SLC26A5: variants seen among roughly 807,000 people sequenced by gnomAD.
SLC26A5 encodes the protein solute carrier family 26 member 5.
Under a neutral mutation model 81.0 loss-of-function variants are expected in SLC26A5, and 51 were observed. The observed-to-expected ratio is 0.63, with a 90% CI of 0.50 to 0.80. The LOEUF is 0.80. Among genes scored for constraint, SLC26A5 ranks in the 30% least tolerant of loss-of-function variants. The pLI, the probability that SLC26A5 is intolerant of heterozygous loss-of-function variation, is 0.00. For missense variants in SLC26A5, 771 were observed against 905.8 expected, an observed-to-expected ratio of 0.85 and a Z score of 1.91; for synonymous variants, 325 against 332.8, an observed-to-expected ratio of 0.98 and a Z score of 0.25.
chr7:103,415,795 C>T (rs1824857898), intron 4 of SLC26A5, among the ~76,000 whole-genome samples: 1 of 151,866 alleles, frequency 6.6e-6, no homozygotes, highest in Non-Finnish European at 1.5e-5. Flanking sequence ...TTCATTTATT[C>T]TGCTGGGTAT....
chr7:103,409,030 C>A (rs10251993), intron 7 of SLC26A5, among the ~76,000 whole-genome samples: 1 of 152,100 alleles, frequency 6.6e-6, no homozygotes, highest in Non-Finnish European at 1.5e-5. Context: ...ATTCCTAAAG[C>A]CTGATTCCAT....
In SLC26A5 at chr7:103,361,526, A is replaced by G. The variant is rs867840449; in HGVS notation, c.2042-8600T>C. ...ACTCCATCTCAAAAAAAAAAAAAAA[A>G]AAAAAAAGAAAAACGGATTTAAAGT... On this transcript the variant is annotated intron_variant, in intron 19 of 19. Coordinates refer to the SLC26A5 transcript ENST00000339444. Among the ~76,000 whole-genome samples, 139 of 151,222 alleles carry G rather than the reference A, an allele frequency of 9.2e-4. 2 individuals carry two copies. The highest frequency in any genetic ancestry group is 2.8e-3 in the African/African-American group (117 of 41,310).
chr7:103,430,076 C>CTTTTT (rs34122107), intron 2 of SLC26A5, among the ~76,000 whole-genome samples: 1 of 137,188 alleles, frequency 7.3e-6, no homozygotes, highest in Non-Finnish European at 1.6e-5. Flanking sequence ...GGAAATGGCA[C>CTTTTT]TTTTTTTTTT....
At chr7:103,411,705 T>C in intron 5 of SLC26A5, 119 bp from the exon 6 acceptor site, 7 of 1,133,950 alleles carry the variant, frequency 6.2e-6, no homozygotes, top group Non-Finnish European at 9.2e-6. Flanking sequence ...AAGGCTACGC[T>C]CCCTTCTTTA....
chr7:103,370,566 A>T (rs1282119527), downstream of SLC26A5, among the ~76,000 whole-genome samples: 1 of 152,218 alleles, frequency 6.6e-6, no homozygotes, highest in Non-Finnish European at 1.5e-5. Context: ...CAAACCACAC[A>T]GAGTGGATGT....
chr7:103,378,637 T>A lies in SLC26A5; in HGVS notation c.1678-84A>T, dbSNP rs781489148. ...TGCCACTCCCCTTCAAATCTCCCCA[T>A]TTAACTGCTTTCTGGGTCAGATTAT... On this transcript the variant is annotated intron_variant, in intron 16 of 19. Coordinates refer to ENST00000306312, the MANE Select transcript of SLC26A5 (RefSeq NM_198999.3). 30 of 1,187,902 alleles carry A rather than the reference T, an allele frequency of 2.5e-5. 1 individual carries two copies. The highest frequency in any genetic ancestry group is 3.5e-5 in the Non-Finnish European group (28 of 795,006). The allele number at this position is 1,187,902 out of a possible 1,614,324, so 73.6% of individuals were successfully genotyped here.
At chr7:103,368,234 A>G (rs931051708) in intron 19 of SLC26A5, 2 of 634,444 alleles carry the variant, frequency 3.2e-6, no homozygotes, top group African/African-American at 1.9e-5. Flanking sequence ...TTGTTAGAAT[A>G]TATTTTGACT....
At position 103,407,867 on chromosome 7, in the gene SLC26A5, G is replaced by A. The variant is rs2116624243; in HGVS notation, c.872C>T (p.Pro291Leu). The change falls in exon 8 of 20, where the codon CCT (proline) becomes CTT (leucine). Residue 291 changes from proline to leucine, a missense_variant. Pro to Leu is a moderately conservative substitution (Grantham distance 98, BLOSUM62 -3). Coordinates refer to ENST00000306312, the MANE Select transcript of SLC26A5 (RefSeq NM_198999.3). ...GTGACTTACCGCAAAGAACTCTAAA[G>A]GAATAGGCGCCGGCAATTTCTCTTT... ...RFKEKLPAPI[P>L]LEFFAVVMGT... The A allele has an allele frequency of 1.2e-6, 2 of 1,614,092 alleles. No individual in the cohort carries two copies. Among genetic ancestry groups the A allele is most frequent in the Non-Finnish European group, 1.7e-6 (2 of 1,180,008 alleles).
At chr7:103,436,365 T>C (rs1350767753) in intron 2 of SLC26A5, among the ~76,000 whole-genome samples, 1 of 152,158 alleles carries the variant, frequency 6.6e-6, no homozygotes, top group East Asian at 1.9e-4. Flanking sequence ...TCTGGACTGA[T>C]TTAACAAAAT....
At chr7:103,364,315 A>G (rs1419716714) in intron 19 of SLC26A5, 10 of 1,613,554 alleles carry the variant, frequency 6.2e-6, no homozygotes, top group Middle Eastern at 3.3e-4. Context: ...GAGGTAAAGT[A>G]AATTTATCAA....
chr7:103,411,773 G>A (rs779709680), intron 5 of SLC26A5, among the ~76,000 whole-genome samples, 187 bp from the exon 6 acceptor site: 4 of 152,174 alleles, frequency 2.6e-5, no homozygotes, highest in Non-Finnish European at 5.9e-5. Context: ...CATGCAGACT[G>A]TATTTTCCAA....
chr7:103,379,065 T>C (rs1821578383), intron 16 of SLC26A5, among the ~76,000 whole-genome samples, 178 bp downstream of exon 16: 1 of 152,226 alleles, frequency 6.6e-6, no homozygotes, highest in African/African-American at 2.4e-5. Flanking sequence ...CCCACTGGAC[T>C]GTATACTTTG....
At chr7:103,355,110 A>G (rs1162790129) in intron 19 of SLC26A5, among the ~76,000 whole-genome samples, 1 of 152,236 alleles carries the variant, frequency 6.6e-6, no homozygotes, top group Non-Finnish European at 1.5e-5. Flanking sequence ...CATATCTTTC[A>G]CTGCTTTTTA....
At chr7:103,429,698 A>G (rs931317447) in intron 2 of SLC26A5, among the ~76,000 whole-genome samples, 1 of 152,228 alleles carries the variant, frequency 6.6e-6, no homozygotes, top group African/African-American at 2.4e-5. Flanking sequence ...AAAGGCCCTA[A>G]GACCTATGCA....
chr7:103,420,852 T>C lies in SLC26A5; in HGVS notation c.178A>G (p.Ile60Val). 1 of 1,612,220 alleles carries C rather than the reference T, an allele frequency of 6.2e-7. No individual in the cohort carries two copies. The highest frequency in any genetic ancestry group is 8.5e-7 in the Non-Finnish European group (1 of 1,178,312). ...FTCTPKKIRN[I>V]IYMFLPITKW... ...GTTATGGGTAGGAACATATAAATGA[T>C]ATTTCTTATTTTTTTAGGAGTACAT... Residue 60 changes from isoleucine to valine, a missense_variant, in exon 4 of 20, where the codon ATC becomes GTC. Physicochemically the swap from Ile to Val is conservative, Grantham distance 29. Transcript: ENST00000306312.
At chr7:103,363,367 A>G (rs1373635870) in intron 19 of SLC26A5, 1 of 1,613,932 alleles carries the variant, frequency 6.2e-7, no homozygotes, top group Non-Finnish European at 8.5e-7. Flanking sequence ...CTGATGTCAC[A>G]TACAGTGATG....
Position 103,367,577 on chromosome 7 carries a change from T to A in SLC26A5, c.2041+9231A>T, listed in dbSNP as rs1242948525. Reference sequence around the variant, plus strand: ...TCCAGCACTGATGAGGCCAGGGAGATTGGATAGAAAAATTGAATTTAGCTT... The same window carrying A: ...TCCAGCACTGATGAGGCCAGGGAGAATGGATAGAAAAATTGAATTTAGCTT... On this transcript the variant is annotated intron_variant, in intron 19 of 19. Transcript: ENST00000339444. This position sits in a 1 kb window ranked among gnomAD's most constrained non-coding sequence, Gnocchi z 6.1. The A allele has an allele frequency of 6.2e-7, 1 of 1,614,086 alleles. No individual in the cohort carries two copies. Among genetic ancestry groups the A allele is most frequent in the Admixed American group, 1.7e-5 (1 of 60,002 alleles).
chr7:103,436,289 G>A (rs1185434326), intron 2 of SLC26A5, among the ~76,000 whole-genome samples: 1 of 152,060 alleles, frequency 6.6e-6, no homozygotes, highest in African/African-American at 2.4e-5. Flanking sequence ...CGCAAGTTAG[G>A]TCCAGAGACC....
Position 103,407,997 on chromosome 7 carries a change from C to T in SLC26A5, c.742G>A (p.Val248Ile), listed in dbSNP as rs370726796. 7.4e-6 allele frequency: 12 copies of T among 1,614,126 alleles called. No homozygotes were observed. The highest frequency in any genetic ancestry group is 1.0e-5 in the Non-Finnish European group (12 of 1,180,018). Residue 248 changes from valine to isoleucine, a missense_variant, in exon 8 of 20, where the codon GTT becomes ATT. By Grantham distance (29) the Val-to-Ile change is conservative (BLOSUM62 3). Transcript: ENST00000306312. ...TTTTTAACATTCTGCAACACAGCAA[C>T]TGTACTCTGTAACACAGTGAATGCT... ...SGIFSVVYST[V>I]AVLQNVKNLN...
Sources: allele counts gnomAD v4.1 joint callset (sites outside exome capture counted in the v4.1 genomes callset), GRCh38; gene constraint gnomAD v4.1.1; non-coding constraint Gnocchi (gnomAD v3.1); transcripts MANE v1.5; gene names NCBI Gene and HGNC (gene_info 2026-07-23, HGNC 2026-07-21).